The following MIA2 variants were observed in gnomAD, a reference collection of about 807,000 sequenced individuals.
MIA2 encodes MIA SH3 domain ER export factor 2.
A neutral mutation model predicts 167.8 loss-of-function variants in MIA2; 127 were observed. That is an observed-to-expected ratio of 0.76 (90% confidence interval 0.66 to 0.88). The LOEUF (loss-of-function observed/expected upper bound fraction) is 0.88. Among genes scored for constraint, MIA2 ranks in the 40% least tolerant of loss-of-function variants. MIA2 has a pLI of 0.00. For synonymous variants in MIA2, 552 were observed against 541.9 expected (o/e 1.02, Z -0.26); for missense variants, 1,690 against 1,624.7 (o/e 1.04, Z -0.69).
chr14:39,323,871 A>G (rs933893596), intron 24 of MIA2, among the ~76,000 whole-genome samples: 1 of 152,138 alleles, frequency 6.6e-6, no homozygotes, highest in African/African-American at 2.4e-5. Flanking sequence ...GTGTGTTTAG[A>G]TTATCTGCAA....
intron 6 of MIA2, among the ~76,000 whole-genome samples, chr14:39,260,340 C>T (rs2055037702): frequency 6.6e-6 from 1 of 152,206 alleles, no homozygotes; most frequent in Non-Finnish European, 1.5e-5. Context: ...AAAAGCATTC[C>T]TATTTCCCCA....
chr14:39,281,412 T>C (rs1471875707), intron 9 of MIA2, among the ~76,000 whole-genome samples: 2 of 152,284 alleles, frequency 1.3e-5, no homozygotes, highest in East Asian at 3.9e-4. Flanking sequence ...GACATAATCT[T>C]CTTTAACTTC....
At chr14:39,380,371 TAGAG>T (rs921182276) in intron 23 of MIA2, among the ~76,000 whole-genome samples, 9 of 152,072 alleles carry the variant, frequency 5.9e-5, no homozygotes, top group East Asian at 1.9e-4. Flanking sequence ...TCTCAAAATA[TAGAG>T]AGAAAGTCGG....
intron 21 of MIA2, among the ~76,000 whole-genome samples, chr14:39,317,495 C>T (rs757919315): frequency 1.3e-5 from 2 of 152,088 alleles, no homozygotes; most frequent in South Asian, 4.1e-4. Flanking sequence ...AGGCTCTGAA[C>T]GTTTGACCCC....
chr14:39,285,725 C>T (rs1346382828), intron 9 of MIA2, among the ~76,000 whole-genome samples: 9 of 118,998 alleles, frequency 7.6e-5, no homozygotes, highest in African/African-American at 8.6e-5. Flanking sequence ...ACTTCCCAGA[C>T]GGGGCAGCTG....
rs548654464 is a variant in MIA2 at position 39,267,115 on chromosome 14, G to T, written c.1888-9819G>T. 4 of 1,129,684 alleles carry T rather than the reference G, an allele frequency of 3.5e-6. No homozygotes were observed. The East Asian group carries it at 1.9e-4, about 53-fold the overall frequency. The allele number at this position is 1,129,684 out of a possible 1,614,324, so 70.0% of individuals were successfully genotyped here. A position where few individuals can be genotyped will look rare whatever the true frequency, so the allele number is the denominator to read the frequency against. On this transcript the variant is annotated intron_variant, in intron 6 of 28. Transcript: ENST00000640607. The stretch of plus-strand genomic sequence containing the variant: ...CTTGCGCGAAGAAGGGGAAGTTTGC[G>T]GCTGTCCGCGCCTCCCCGCCTTCTC...
At chr14:39,361,379 T>G (rs560806579) in intron 23 of MIA2, among the ~76,000 whole-genome samples, 1 of 152,204 alleles carries the variant, frequency 6.6e-6, no homozygotes, top group East Asian at 1.9e-4. Flanking sequence ...TATTTATTCT[T>G]TGGTGTTTTA....
rs2065803613 is a variant in MIA2, at chr14:39,318,011, AG to A, written c.3284+1del. The A allele has an allele frequency of 6.4e-7, 1 of 1,574,176 alleles. No individual in the cohort carries two copies. On this transcript the variant is annotated splice_donor_variant, in intron 22 of 28. Transcript: ENST00000640607. LOFTEE classifies it high-confidence loss of function. ...AAAGAAAATGCTCACAACAGACAAA[AG>A]TAAGTATCTTAGTGGGAACATTTAA...
chr14:39,248,537 A>G (rs2054410624), intron 4 of MIA2, among the ~76,000 whole-genome samples: 2 of 151,464 alleles, frequency 1.3e-5, no homozygotes, highest in Admixed American at 1.3e-4. Context: ...TTTTGTTTTT[A>G]AAGCAGTATC....
chr14:39,367,566 C>T (rs2074849180), intron 23 of MIA2, among the ~76,000 whole-genome samples: 1 of 152,178 alleles, frequency 6.6e-6, no homozygotes, highest in African/African-American at 2.4e-5. Context: ...CCTGGGGATC[C>T]CTCACCCTTT....
intron 10 of MIA2, among the ~76,000 whole-genome samples, chr14:39,291,619 C>A (rs577620461): frequency 6.6e-6 from 1 of 152,112 alleles, no homozygotes; most frequent in African/African-American, 2.4e-5. Context: ...TTTTAAAAAG[C>A]AGCCTTATTT....
chr14:39,265,905 T>C (rs192872983), intron 6 of MIA2: 3 of 872,256 alleles, frequency 3.4e-6, no homozygotes, highest in East Asian at 1.2e-4. Context: ...CAATGGAGAA[T>C]TACTAAGCAA....
chr14:39,332,475 G>A (rs191456664), intron 25 of MIA2, among the ~76,000 whole-genome samples: 1 of 152,228 alleles, frequency 6.6e-6, no homozygotes, highest in East Asian at 1.9e-4. Context: ...GTCCAGTTTT[G>A]TTCCCTTGCT....
chr14:39,343,849 A>G (rs1420693601), intron 25 of MIA2, among the ~76,000 whole-genome samples: 1 of 152,110 alleles, frequency 6.6e-6, no homozygotes, highest in Non-Finnish European at 1.5e-5. Context: ...ATGTGTGTAT[A>G]TGTATATGTG....
intron 6 of MIA2, among the ~76,000 whole-genome samples, chr14:39,260,023 G>A (rs1409928003): frequency 1.3e-5 from 2 of 152,056 alleles, no homozygotes; most frequent in Non-Finnish European, 2.9e-5. Flanking sequence ...CCATGTCCCT[G>A]CAAAGGACAT....
At chr14:39,259,940 T>C (rs997492482) in intron 6 of MIA2, among the ~76,000 whole-genome samples, 1 of 152,106 alleles carries the variant, frequency 6.6e-6, no homozygotes, top group Non-Finnish European at 1.5e-5. Flanking sequence ...TTCCCACCTA[T>C]GAGTGAGAAC....
At chr14:39,326,332 A>G (rs984479776) in intron 24 of MIA2, among the ~76,000 whole-genome samples, 1 of 152,162 alleles carries the variant, frequency 6.6e-6, no homozygotes, top group African/African-American at 2.4e-5. Context: ...AGAAGTATTT[A>G]TCTTTTTTAT....
intron 9 of MIA2, among the ~76,000 whole-genome samples, chr14:39,287,006 G>A (rs1307040474): frequency 7.9e-5 from 12 of 152,068 alleles, no homozygotes; most frequent in East Asian, 5.8e-4. Flanking sequence ...CATTACAGGC[G>A]TGAGCTACCA....
downstream of MIA2, among the ~76,000 whole-genome samples, chr14:39,355,830 G>T (rs936201726): frequency 6.6e-6 from 1 of 152,088 alleles, no homozygotes; most frequent in Admixed American, 6.6e-5. Flanking sequence ...TTTGTCGTTG[G>T]TTCTGTTTAT....
Sources: allele counts gnomAD v4.1 joint callset (sites outside exome capture counted in the v4.1 genomes callset), GRCh38; gene constraint gnomAD v4.1.1; transcripts MANE v1.5; gene names NCBI Gene and HGNC (gene_info 2026-07-23, HGNC 2026-07-21).